The following BAZ2B variants were observed in gnomAD, a reference collection of about 807,000 sequenced individuals.
BAZ2B encodes the protein bromodomain adjacent to zinc finger domain 2B.
In BAZ2B, 91 loss-of-function variants were observed where a neutral mutation model predicts 246.0. That is an observed-to-expected ratio of 0.37 (90% CI 0.31 to 0.44). BAZ2B has a LOEUF of 0.44. Among genes scored for constraint, BAZ2B ranks in the 20% least tolerant of loss-of-function variants. BAZ2B has a pLI of 1.00. For missense variants in BAZ2B, 2,332 were observed against 2,533.7 expected (o/e 0.92, Z 1.71); for synonymous variants, 855 against 860.0 (o/e 0.99, Z 0.10).
intron 27 of BAZ2B, among the ~76,000 whole-genome samples, chr2:159,356,205 C>A (rs2059096487): frequency 6.6e-6 from 1 of 152,208 alleles, no homozygotes; most frequent in African/African-American, 2.4e-5. Flanking sequence ...GTGGATCCCA[C>A]CCTCACAGAG....
intron 1 of BAZ2B, among the ~76,000 whole-genome samples, chr2:159,589,923 A>G (rs936269234): frequency 1.3e-5 from 2 of 152,124 alleles, no homozygotes; most frequent in African/African-American, 4.8e-5. Context: ...CCGATGGTTC[A>G]CGCCTGTGAT....
chr2:159,466,634 C>G (rs1179402582), intron 3 of BAZ2B, among the ~76,000 whole-genome samples: 3 of 152,142 alleles, frequency 2.0e-5, no homozygotes, highest in Non-Finnish European at 4.4e-5. Context: ...ACAGAACCAA[C>G]AGGATACACT....
chr2:159,688,173 G>A, the BAZ2B span, among the ~76,000 whole-genome samples: 1 of 151,828 alleles, frequency 6.6e-6, no homozygotes, highest in Non-Finnish European at 1.5e-5. Flanking sequence ...CCGAGTACCT[G>A]GGACTACAGG....
At chr2:159,703,389 C>T in the BAZ2B span, among the ~76,000 whole-genome samples, 1 of 152,050 alleles carries the variant, frequency 6.6e-6, no homozygotes, top group African/African-American at 2.4e-5. Flanking sequence ...CGACTGCGCC[C>T]AGCCAAGGCT....
chr2:159,473,411 G>C (rs2078086058), intron 3 of BAZ2B, among the ~76,000 whole-genome samples: 1 of 152,144 alleles, frequency 6.6e-6, no homozygotes, highest in Non-Finnish European at 1.5e-5. Context: ...GATCAGTGGT[G>C]ATATCCACTT....
chr2:159,628,434 A>G, the BAZ2B span, among the ~76,000 whole-genome samples: 1 of 152,358 alleles, frequency 6.6e-6, no homozygotes, highest in African/African-American at 2.4e-5. Context: ...ACAAGGCTAC[A>G]GTAATCAAAA....
chr2:159,544,865 A>T (rs769725935), intron 2 of BAZ2B, among the ~76,000 whole-genome samples: 1 of 152,230 alleles, frequency 6.6e-6, no homozygotes, highest in Non-Finnish European at 1.5e-5. Flanking sequence ...TTGGAAACAG[A>T]GGGAAATTAA....
rs1233399770 is a variant in BAZ2B, at chr2:159,350,183, G to A, written c.4388C>T (p.Pro1463Leu). 2.5e-6 allele frequency: 4 copies of A among 1,613,926 alleles called. No homozygotes were observed. In the African/African-American group the frequency reaches 4.0e-5, roughly 16 times the overall value. ...CTTGCTTAATTTGGAAAAAGAGCCA[G>A]GTTTCTGAAGGAATAGATTTGTGTT... is the stretch of plus-strand genomic sequence containing the variant. ...KDNTNLFLQKPGSFSKLSKLL... is the reference protein window; with the variant it reads ...KDNTNLFLQKLGSFSKLSKLL... Residue 1463 changes from proline (P) to leucine (L), a missense_variant, in exon 28 of 37, where the codon CCT (proline) becomes CTT (leucine). Around this residue, in one of 9 missense-constraint regions of BAZ2B, gnomAD observed 676 missense variants for 668.6 expected, o/e 1.01. Transcript: ENST00000392783.
At chr2:159,335,321 C>CG (rs1490486740) in intron 33 of BAZ2B, among the ~76,000 whole-genome samples, 1 of 151,952 alleles carries the variant, frequency 6.6e-6, no homozygotes, top group East Asian at 1.9e-4. Context: ...CCAAGGCAGG[C>CG]GGATCATTTG....
intron 16 of BAZ2B, among the ~76,000 whole-genome samples, chr2:159,402,999 G>C (rs959441039): frequency 6.6e-6 from 1 of 152,142 alleles, no homozygotes; most frequent in Non-Finnish European, 1.5e-5. Context: ...CCAATACTTA[G>C]TAAATATAGA....
At chr2:159,637,361 A>G in the BAZ2B span, among the ~76,000 whole-genome samples, 1 of 152,102 alleles carries the variant, frequency 6.6e-6, no homozygotes, top group Non-Finnish European at 1.5e-5. Flanking sequence ...ATTCACCATA[A>G]GCTGATAAAA....
At position 159,341,326 on chromosome 2, in the gene BAZ2B, A is replaced by G. The variant is rs182504449; in HGVS notation, c.5455-3554T>C. The stretch of plus-strand genomic sequence containing the variant: ...TAAATAAAGGGATCAATTCAACAAG[A>G]GAATACAATAATTGTAAATATATAT... On this transcript the variant is annotated intron_variant, in intron 31 of 36. Coordinates refer to ENST00000392783, the MANE Select transcript of BAZ2B (RefSeq NM_013450.4). 3.3e-5 allele frequency among the ~76,000 whole-genome samples: 5 copies of G among 152,352 alleles called. No individual in the cohort carries two copies. In the East Asian group the frequency reaches 5.8e-4, roughly 18 times the overall value.
chr2:159,327,882 T>A (rs1477845339), intron 34 of BAZ2B, among the ~76,000 whole-genome samples: 2 of 152,116 alleles, frequency 1.3e-5, no homozygotes, highest in Non-Finnish European at 2.9e-5. Context: ...TTGGCCAACA[T>A]GGTGAAACCC....
At chr2:159,562,264 A>G (rs1050132196) in intron 1 of BAZ2B, among the ~76,000 whole-genome samples, 3 of 152,198 alleles carry the variant, frequency 2.0e-5, no homozygotes, top group African/African-American at 7.2e-5. Context: ...GACAGCTAAC[A>G]AAAGCCTTAT....
chr2:159,338,812 C>T (rs78034026), intron 31 of BAZ2B, among the ~76,000 whole-genome samples: 4,252 of 152,186 alleles, frequency 0.028, 202 homozygotes, highest in African/African-American at 0.097. Flanking sequence ...AGTTCCATTT[C>T]AACTTCTAAA....
At chr2:159,398,689 A>G (rs2064454395) in intron 18 of BAZ2B, 140 bp downstream of exon 18, 1 of 694,432 alleles carries the variant, frequency 1.4e-6, no homozygotes, top group Admixed American at 3.2e-5. Context: ...AAAAACATAC[A>G]CTATACACAT....
chr2:159,432,775 A>ATTCATCATC lies in BAZ2B; in HGVS notation c.1873_1881dup (p.Asp625_Glu627dup), dbSNP rs1291237838. 1.9e-6 allele frequency: 3 copies of ATTCATCATC among 1,612,342 alleles called. No homozygotes were observed. Among genetic ancestry groups the ATTCATCATC allele is most frequent in the Non-Finnish European group, 2.5e-6 (3 of 1,178,660 alleles). On this transcript the variant is annotated inframe_insertion, in exon 9 of 37. Coordinates refer to ENST00000392783, the MANE Select transcript of BAZ2B (RefSeq NM_013450.4). ...AAATAACCTGATTGGCTGTCATCAG[A>ATTCATCATC]TTCATCATCTTCATCATCTTCCTCA...
At chr2:159,408,675 T>C (rs1559306411) in intron 14 of BAZ2B, among the ~76,000 whole-genome samples, 2 of 152,110 alleles carry the variant, frequency 1.3e-5, no homozygotes, top group African/African-American at 4.8e-5. Flanking sequence ...TCCCAGCACT[T>C]TGGGAGGCCA....
intron 1 of BAZ2B, among the ~76,000 whole-genome samples, chr2:159,612,153 A>G (rs533278058): frequency 1.9e-4 from 29 of 152,014 alleles, no homozygotes; most frequent in Non-Finnish European, 3.5e-4. Context: ...GAATTTTTAA[A>G]TAACATTTTA....
Sources: gnomAD v4.1 joint callset for allele counts (sites outside exome capture counted in the v4.1 genomes callset) on GRCh38, gnomAD v4.1.1 for gene constraint, gnomAD v4.1.1 regional missense constraint, MANE v1.5 for transcripts, NCBI Gene and HGNC (gene_info 2026-07-23, HGNC 2026-07-21) for gene names.